Variants in SUZ12 observed in about 807,000 individuals in gnomAD.
SUZ12 encodes the protein SUZ12 polycomb repressive complex 2 subunit.
Under a neutral mutation model 87.3 loss-of-function variants are expected in SUZ12, and 17 were observed. That is an observed-to-expected ratio of 0.19 (90% CI 0.13 to 0.29). The LOEUF is 0.29. SUZ12 is among the 10% of genes least tolerant of loss of function. The pLI, the probability that SUZ12 is intolerant of heterozygous loss-of-function variation, is 1.00. For missense variants in SUZ12, 526 were observed against 912.2 expected, an observed-to-expected ratio of 0.58 and a Z score of 5.45; for synonymous variants, 253 against 312.4, an observed-to-expected ratio of 0.81 and a Z score of 2.01.
chr17:31,996,893 A>G lies in SUZ12; in HGVS notation c.1874+16A>G. 7.2e-7 allele frequency: 1 copy of G among 1,395,888 alleles called. No individual in the cohort carries two copies. The highest frequency in any genetic ancestry group is 2.7e-5 in the Admixed American group (1 of 36,610). 86.5% of individuals were successfully genotyped at this position (1,395,888 alleles called of 1,614,324 possible). On this transcript the variant is annotated intron_variant, in intron 15 of 15. Coordinates refer to ENST00000322652, the MANE Select transcript of SUZ12 (RefSeq NM_015355.4). ...TGAAGCATGGGTAGGGTATTTCTAA[A>G]TTAATTTAAATATTTTATTATTCTT...
At position 31,937,340 on chromosome 17, in the gene SUZ12, G is replaced by GCGGCGGCGA. The variant is rs1384625638; in HGVS notation, c.99_107dup (p.Ala34_Ala36dup). 6.1e-6 allele frequency: 9 copies of GCGGCGGCGA among 1,478,842 alleles called. No homozygotes were observed. Among genetic ancestry groups the GCGGCGGCGA allele is most frequent in the Admixed American group, 2.5e-5 (1 of 40,548 alleles). 91.6% of individuals were successfully genotyped at this position (1,478,842 alleles called of 1,614,324 possible). Reference sequence around the variant, plus strand: ...CGGCTTCGGGGGTTCGGCGGCGGTGGCGGCGGCGACGGCTTCGGGCGGCAA... The same window carrying GCGGCGGCGA: ...CGGCTTCGGGGGTTCGGCGGCGGTGGCGGCGGCGACGGCGGCGACGGCTTCGGGCGGCAA... On this transcript the variant is annotated inframe_insertion, in exon 1 of 16. Coordinates refer to ENST00000322652, the MANE Select transcript of SUZ12 (RefSeq NM_015355.4).
intron 10 of SUZ12, among the ~76,000 whole-genome samples, chr17:31,992,264 C>T (rs915327540): frequency 2.6e-5 from 4 of 152,078 alleles, no homozygotes; most frequent in Admixed American, 6.5e-5. Flanking sequence ...TGCACGCCAG[C>T]CTAGTCACCA....
intron 3 of SUZ12, among the ~76,000 whole-genome samples, chr17:31,941,182 A>C (rs189023640): frequency 3.3e-5 from 5 of 150,756 alleles, no homozygotes; most frequent in African/African-American, 7.3e-5. Context: ...GCTCACTGCA[A>C]GCTCCGCCTC....
chr17:31,985,916 C>T (rs1410724189), intron 9 of SUZ12, among the ~76,000 whole-genome samples: 1 of 152,038 alleles, frequency 6.6e-6, no homozygotes, highest in Non-Finnish European at 1.5e-5. Flanking sequence ...CCGCCTCGGC[C>T]TCCCAAAGTA....
intron 9 of SUZ12, among the ~76,000 whole-genome samples, chr17:31,986,394 G>C (rs183395711): frequency 2.1e-3 from 316 of 152,138 alleles, no homozygotes; most frequent in African/African-American, 7.1e-3. Context: ...ATAGATAATT[G>C]GGTTATTTGA....
At chr17:31,944,630 G>A (rs559303209) in intron 3 of SUZ12, among the ~76,000 whole-genome samples, 4 of 152,120 alleles carry the variant, frequency 2.6e-5, no homozygotes, top group Middle Eastern at 3.4e-3. Context: ...CAGCCAAGAA[G>A]CAAATTTAAG....
intron 9 of SUZ12, among the ~76,000 whole-genome samples, chr17:31,986,576 G>A (rs1909432483): frequency 7.3e-6 from 1 of 136,718 alleles, no homozygotes; most frequent in Non-Finnish European, 1.6e-5. Flanking sequence ...TTTTTGAGAT[G>A]GAGTCTTGCT....
At chr17:31,952,624 G>A (rs1034598521) in intron 4 of SUZ12, among the ~76,000 whole-genome samples, 7 of 152,002 alleles carry the variant, frequency 4.6e-5, no homozygotes, top group Admixed American at 4.6e-4. Context: ...GTGCAGTAGC[G>A]CGATCTCGGC....
intron 3 of SUZ12, among the ~76,000 whole-genome samples, chr17:31,942,039 A>C (rs1415507528): frequency 2.0e-5 from 3 of 151,812 alleles, no homozygotes; most frequent in Non-Finnish European, 1.5e-5. Context: ...TTTTTAGTAG[A>C]GATGGGGTTT....
chr17:32,000,532 C>T lies in SUZ12; in HGVS notation c.*1529C>T, dbSNP rs1910203353. ...TTACAGATTCCTTGATTGGTAAGCTCTCCAAATGATGAGTTCTAGTAAACT... is the reference window on the plus strand; with the variant it reads ...TTACAGATTCCTTGATTGGTAAGCTTTCCAAATGATGAGTTCTAGTAAACT... On this transcript the variant is annotated 3_prime_UTR_variant, in exon 16 of 16. Coordinates refer to ENST00000322652, the MANE Select transcript of SUZ12 (RefSeq NM_015355.4). 4.3e-6 allele frequency: 1 copy of T among 231,810 alleles called. No homozygotes were observed. The highest frequency in any genetic ancestry group is 8.5e-6 in the Non-Finnish European group (1 of 117,594). 14.4% of individuals were successfully genotyped at this position (231,810 alleles called of 1,614,324 possible). A position where few individuals can be genotyped will look rare whatever the true frequency, so the allele number is the denominator to read the frequency against.
intron 8 of SUZ12, among the ~76,000 whole-genome samples, chr17:31,980,133 G>C (rs1233135492): frequency 1.3e-5 from 2 of 151,468 alleles, no homozygotes; most frequent in Admixed American, 6.6e-5. Flanking sequence ...AGACCAGTTT[G>C]GGCAACATAG....
rs543311895 is a variant in SUZ12, at chr17:31,998,171, C to G, written c.1875-487C>G. Among the ~76,000 whole-genome samples the G allele has an allele frequency of 4.6e-5, 7 of 151,646 alleles. No homozygotes were observed. In the South Asian group the frequency reaches 1.5e-3, roughly 32 times the overall value. On this transcript the variant is annotated intron_variant, in intron 15 of 15. Transcript: ENST00000322652. ...CTCGACTCACTGCAAGCTCCACCTC[C>G]CAGGTTCACACCATTCTCCTGCCTC...
At chr17:31,957,747 T>C (rs2142145908) in intron 4 of SUZ12, among the ~76,000 whole-genome samples, 1 of 151,722 alleles carries the variant, frequency 6.6e-6, no homozygotes, top group East Asian at 1.9e-4. Flanking sequence ...AGTTTCACCA[T>C]GTTGGCCAGG....
At chr17:31,997,771 C>G (rs1013585104) in intron 15 of SUZ12, among the ~76,000 whole-genome samples, 1 of 151,734 alleles carries the variant, frequency 6.6e-6, no homozygotes, top group African/African-American at 2.4e-5. Flanking sequence ...AATTTTCATG[C>G]CTTTTAGTGC....
chr17:31,950,926 G>A (rs988084080), intron 4 of SUZ12, among the ~76,000 whole-genome samples: 4 of 151,936 alleles, frequency 2.6e-5, no homozygotes, highest in Middle Eastern at 3.2e-3. Context: ...GACTACAGGC[G>A]CCCGCCACCT....
At chr17:31,960,574 T>C (rs1907644944) in intron 4 of SUZ12, among the ~76,000 whole-genome samples, 1 of 121,428 alleles carries the variant, frequency 8.2e-6, no homozygotes, top group African/African-American at 2.7e-5. Context: ...CAATGTCACC[T>C]TTATTTATTA....
rs757886400 is a variant in SUZ12, at chr17:31,973,160, A to G, written c.520A>G (p.Asn174Asp). Residue 174 changes from asparagine to aspartate, a missense_variant, in exon 6 of 16, where the codon AAC (asparagine) becomes GAC (aspartate). Coordinates refer to ENST00000322652, the MANE Select transcript of SUZ12 (RefSeq NM_015355.4). The stretch of plus-strand genomic sequence containing the variant: ...TTTCTATTTAGATAAGCCATCACCA[A>G]ACTCAGAAAATGAACAAAATTCTGT... ...FFHKNDKPSP[N>D]SENEQNSVTL... The G allele has an allele frequency of 9.0e-6, 14 of 1,552,476 alleles. No individual in the cohort carries two copies. The highest frequency in any genetic ancestry group is 6.3e-5 in the Admixed American group (3 of 47,542).
intron 9 of SUZ12, among the ~76,000 whole-genome samples, chr17:31,984,585 C>T (rs567678778): frequency 6.6e-6 from 1 of 152,060 alleles, no homozygotes; most frequent in Non-Finnish European, 1.5e-5. Context: ...ATCTGTAACA[C>T]AAAATGCTAA....
chr17:31,958,372 A>G (rs1188782421), intron 4 of SUZ12, among the ~76,000 whole-genome samples: 1 of 152,084 alleles, frequency 6.6e-6, no homozygotes, highest in Non-Finnish European at 1.5e-5. Flanking sequence ...TGTATTAATG[A>G]TTTTTCCCTA....
Sources: gnomAD v4.1 joint callset for allele counts (sites outside exome capture counted in the v4.1 genomes callset) on GRCh38, gnomAD v4.1.1 for gene constraint, MANE v1.5 for transcripts, NCBI Gene and HGNC (gene_info 2026-07-23, HGNC 2026-07-21) for gene names.